The following MLH3 variants were observed in gnomAD, a reference collection of about 807,000 sequenced individuals.
The protein encoded by MLH3 is mutL homolog 3.
A neutral mutation model predicts 122.2 loss-of-function variants in MLH3; 82 were observed. The ratio of observed to expected loss-of-function variants is 0.67; its 90% CI spans 0.56 to 0.81. The LOEUF (loss-of-function observed/expected upper bound fraction) is 0.81. Ranked by LOEUF, MLH3 falls within the 30% of genes least tolerant of loss-of-function variation. MLH3 has a pLI of 0.00. For missense variants in MLH3, 1,539 were observed against 1,714.5 expected (o/e 0.90, Z 1.81); for synonymous variants, 524 against 599.5 (o/e 0.87, Z 1.84).
chr14:75,039,864 TA>T, intron 5 of MLH3, 46 bp downstream of exon 5: 3 of 205,942 alleles, frequency 1.5e-5, no homozygotes, highest in South Asian at 9.2e-5. Flanking sequence ...TATATATATA[TA>T]TATATATATA....
chr14:75,031,917 C>A (rs1296248150), intron 8 of MLH3, 151 bp downstream of exon 8: 1 of 681,856 alleles, frequency 1.5e-6, no homozygotes. Flanking sequence ...TGAGTGCCTG[C>A]TCCACTACTT....
intron 2 of MLH3, among the ~76,000 whole-genome samples, chr14:75,043,921 C>T (rs1892040667): frequency 6.6e-6 from 1 of 152,108 alleles, no homozygotes; most frequent in Non-Finnish European, 1.5e-5. Context: ...GAAATCCCGT[C>T]TCTACTAAAA....
chr14:75,027,664 TAAAAAAAAAAAAAA>T lies in MLH3; in HGVS notation c.3987+2865_3987+2878del, dbSNP rs56986784. ...AGATCTTGTAAGAGATTTACTTCAG[TAAAAAAAAAAAAAA>T]AAAAAAAAAAAAAAAACCCAAAAGA... On this transcript the variant is annotated intron_variant, in intron 9 of 12. Transcript: ENST00000355774. 1.8e-3 allele frequency among the ~76,000 whole-genome samples: 55 copies of T among 30,926 alleles called. 2 individuals carry two copies. Among genetic ancestry groups the T allele is most frequent in the African/African-American group, 6.8e-3 (52 of 7,628 alleles). The allele number at this position is 30,926 out of a possible 152,430, so 20.3% of individuals were successfully genotyped here.
At chr14:75,044,487 T>A (rs905733429) in intron 2 of MLH3, among the ~76,000 whole-genome samples, 7 of 152,234 alleles carry the variant, frequency 4.6e-5, no homozygotes, top group Non-Finnish European at 1.0e-4. Flanking sequence ...TTCAGGAAGA[T>A]GAGGTGTCAG....
At chr14:75,030,225 C>A (rs1388324383) in intron 9 of MLH3, among the ~76,000 whole-genome samples, 2 of 152,206 alleles carry the variant, frequency 1.3e-5, no homozygotes, top group African/African-American at 4.8e-5. Context: ...TCCCCAGGCA[C>A]ACAAGTCATT....
intron 7 of MLH3, 115 bp from the exon 8 acceptor site, chr14:75,032,294 T>C: frequency 2.7e-6 from 2 of 736,266 alleles, no homozygotes; most frequent in Admixed American, 4.0e-5. Flanking sequence ...ATGTTTAATG[T>C]TCAGTTTTAG....
rs748555809 is a variant in MLH3, at chr14:75,048,593, C to G, written c.1063G>C (p.Val355Leu). 2.5e-6 allele frequency: 4 copies of G among 1,613,876 alleles called. No individual in the cohort carries two copies. Among genetic ancestry groups the G allele is most frequent in the Admixed American group, 3.3e-5 (2 of 59,968 alleles). The change falls in exon 2 of 13, where the codon GTG becomes CTG. Residue 355 changes from valine to leucine, a missense_variant. Val to Leu is a conservative substitution (Grantham distance 32, BLOSUM62 1). Coordinates refer to ENST00000355774, the MANE Select transcript of MLH3 (RefSeq NM_001040108.2). ...KMFLKQEKLF[V>L]ELSGEDIKEF... The stretch of plus-strand genomic sequence containing the variant: ...TTAATATCCTCACCTGATAATTCCA[C>G]AAATAATTTTTCTTGCTTTAAAAAC...
chr14:75,015,735 A>C lies in MLH3; in HGVS notation c.*1347T>G, dbSNP rs539246160. Reference sequence around the variant, plus strand: ...ATCTACAAGGATCCCCTTGAAAACAAGTGAAGGTTTTCTCTGAACCTTCTC... The same window carrying C: ...ATCTACAAGGATCCCCTTGAAAACACGTGAAGGTTTTCTCTGAACCTTCTC... On this transcript the variant is annotated 3_prime_UTR_variant, in exon 13 of 13. Coordinates refer to ENST00000355774, the MANE Select transcript of MLH3 (RefSeq NM_001040108.2). The C allele has an allele frequency of 5.1e-6, 1 of 194,726 alleles. No individual in the cohort carries two copies. The highest frequency in any genetic ancestry group is 2.3e-4 in the South Asian group (1 of 4,284). The allele number at this position is 194,726 out of a possible 1,614,324, so 12.1% of individuals were successfully genotyped here.
rs1229485183 is a variant in MLH3 at position 75,047,803 on chromosome 14, G to GT, written c.1852dup (p.Thr618AsnfsTer2). On this transcript the variant is annotated frameshift_variant, in exon 2 of 13. Coordinates refer to ENST00000355774, the MANE Select transcript of MLH3 (RefSeq NM_001040108.2). LOFTEE classifies it high-confidence loss of function. ...TGAATGTTCTGTTTCAGTTGATTTA[G>GT]TTTTTTCATTTTGTACTACATGAGT... 4 of 1,613,994 alleles carry GT rather than the reference G, an allele frequency of 2.5e-6. No homozygotes were observed. The highest frequency in any genetic ancestry group is 3.4e-6 in the Non-Finnish European group (4 of 1,179,956).
chr14:75,019,114 G>A (rs1195155869), intron 11 of MLH3, 134 bp from the exon 12 acceptor site: 1 of 849,682 alleles, frequency 1.2e-6, no homozygotes, highest in Non-Finnish European at 1.9e-6. Context: ...AATCCTGCTT[G>A]AAATTGGTGC....
intron 2 of MLH3, among the ~76,000 whole-genome samples, chr14:75,043,511 G>T (rs953192602): frequency 1.3e-5 from 2 of 152,338 alleles, no homozygotes; most frequent in East Asian, 3.9e-4. Flanking sequence ...AGTCTAGTAA[G>T]ATCTGGCCCA....
Position 75,039,846 on chromosome 14 carries a change from CATATATATATATATATATATAT to C in MLH3, c.3570+43_3570+64del, listed in dbSNP as rs145063005. The C allele has an allele frequency of 1.0e-3, 335 of 321,194 alleles. 6 individuals are homozygous for C. Among genetic ancestry groups the C allele is most frequent in the Non-Finnish European group, 1.2e-3 (250 of 201,892 alleles). 19.9% of individuals were successfully genotyped at this position (321,194 alleles called of 1,614,324 possible). On this transcript the variant is annotated intron_variant, in intron 5 of 12. Transcript: ENST00000355774. The stretch of plus-strand genomic sequence containing the variant: ...AAATCAAATTTTAGAAGAGTTAGGC[CATATATATATATATATATATAT>C]ATATATATATATATTTATGAGATTT...
At chr14:75,032,042 C>T in intron 8 of MLH3, 26 bp downstream of exon 8, 1 of 1,272,862 alleles carries the variant, frequency 7.9e-7, no homozygotes, top group East Asian at 2.3e-5. Context: ...ATACCATCAA[C>T]ATCACATTCT....
chr14:75,017,535 C>T (rs575457031), intron 12 of MLH3, among the ~76,000 whole-genome samples: 8 of 151,020 alleles, frequency 5.3e-5, no homozygotes, highest in South Asian at 2.1e-4. Context: ...AGTGAGACTC[C>T]GTCTCAAAAA....
rs1566607401 is a variant in MLH3, at chr14:75,048,247, A to G, written c.1409T>C (p.Met470Thr). The G allele has an allele frequency of 2.5e-6, 4 of 1,613,976 alleles. No individual in the cohort carries two copies. Among genetic ancestry groups the G allele is most frequent in the Non-Finnish European group, 3.4e-6 (4 of 1,179,996 alleles). ...TGCTACAATTGTCTCTTGTTCTAACATCTTTGATTCTGAGCAAGAGCTGTC... is the reference window on the plus strand; with the variant it reads ...TGCTACAATTGTCTCTTGTTCTAACGTCTTTGATTCTGAGCAAGAGCTGTC... ...NKDSSCSESK[M>T]LEQETIVASE... The change falls in exon 2 of 13, where the codon ATG (methionine) becomes ACG (threonine). Residue 470 changes from methionine to threonine, a missense_variant. By Grantham distance (81) the Met-to-Thr change is moderately conservative. Coordinates refer to ENST00000355774, the MANE Select transcript of MLH3 (RefSeq NM_001040108.2).
At position 75,048,767 on chromosome 14, in the gene MLH3, G is replaced by A. The variant is rs775001669; in HGVS notation, c.889C>T (p.Arg297Trp). Residue 297 changes from arginine to tryptophan, a missense_variant, in exon 2 of 13, where the codon CGG (arginine) becomes TGG (tryptophan). By Grantham distance (101) the Arg-to-Trp change is moderately radical. Coordinates refer to ENST00000355774, the MANE Select transcript of MLH3 (RefSeq NM_001040108.2). Reference protein sequence around the residue: ...SRQMNSSLRHRSTPELYGIYV... With the variant: ...SRQMNSSLRHWSTPELYGIYV... ...ATGCCATAGAGTTCTGGGGTAGACCGGTGCCGAAGACTTGAATTCATTTGC... is the reference window on the plus strand; with the variant it reads ...ATGCCATAGAGTTCTGGGGTAGACCAGTGCCGAAGACTTGAATTCATTTGC... 6.7e-5 allele frequency: 108 copies of A among 1,613,904 alleles called. No homozygotes were observed. Among genetic ancestry groups the A allele is most frequent in the Middle Eastern group, 1.6e-4 (1 of 6,082 alleles).
At chr14:75,041,576 AG>A (rs768231517) in intron 4 of MLH3, 38 bp downstream of exon 4, 7 of 1,368,778 alleles carry the variant, frequency 5.1e-6, no homozygotes, top group African/African-American at 3.0e-5. Flanking sequence ...AAGAAGAAGA[AG>A]AAAAAAAAAA....
intron 9 of MLH3, among the ~76,000 whole-genome samples, chr14:75,026,035 C>T (rs555151419): frequency 7.2e-5 from 11 of 152,190 alleles, no homozygotes; most frequent in Admixed American, 1.3e-4. Flanking sequence ...TGACTCAGTC[C>T]AATCCTCATC....
intron 9 of MLH3, among the ~76,000 whole-genome samples, chr14:75,025,201 C>G (rs890270843): frequency 1.3e-5 from 2 of 152,184 alleles, no homozygotes; most frequent in African/African-American, 4.8e-5. Context: ...AGCTCTCACC[C>G]CATCTCTCTT....
Sources: allele counts gnomAD v4.1 joint callset (sites outside exome capture counted in the v4.1 genomes callset), GRCh38; gene constraint gnomAD v4.1.1; transcripts MANE v1.5; gene names NCBI Gene and HGNC (gene_info 2026-07-23, HGNC 2026-07-21).